CREG2: variants seen among roughly 807,000 people sequenced by gnomAD.
CREG2 encodes cellular repressor of E1A stimulated genes 2, also known as protein CREG2.
A neutral mutation model predicts 26.2 loss-of-function variants in CREG2; 24 were observed. The observed-to-expected ratio is 0.92, with a 90% CI of 0.66 to 1.29. CREG2 has a LOEUF of 1.29. Ranked by LOEUF, CREG2 falls within the 50% of genes most tolerant of loss-of-function variation. CREG2 has a pLI of 0.00. For synonymous variants in CREG2, 174 were observed against 169.2 expected (o/e 1.03, Z -0.22); for missense variants, 366 against 398.6 (o/e 0.92, Z 0.70).
At chr2:101,367,255 G>A (rs1054513380) in intron 2 of CREG2, among the ~76,000 whole-genome samples, 1 of 152,152 alleles carries the variant, frequency 6.6e-6, no homozygotes, top group Non-Finnish European at 1.5e-5. Context: ...AGCAACAGGC[G>A]TGTTCGAACA....
chr2:101,382,531 A>G, intron 2 of CREG2: 2 of 985,216 alleles, frequency 2.0e-6, no homozygotes, highest in Non-Finnish European at 2.4e-6. Context: ...ATATTCCATG[A>G]GAAAGGAAAT....
At chr2:101,359,034 CAAAAAAAAAAAAAAAAAAAAA>C (rs776544215) in intron 2 of CREG2, among the ~76,000 whole-genome samples, 4 of 1,198 alleles carry the variant, frequency 3.3e-3, no homozygotes, top group African/African-American at 4.9e-3. Context: ...GACTCCGTCT[CAAAAAAAAAAAAAAAAAAAAA>C]AAAAAAAAAA....
intron 2 of CREG2, 42 bp downstream of exon 2, chr2:101,383,485 TCAAAAA>T: frequency 6.2e-7 from 1 of 1,603,056 alleles, no homozygotes; most frequent in Non-Finnish European, 8.5e-7. Flanking sequence ...CAACTCTCTG[TCAAAAA>T]CTTCCCAGGA....
At chr2:101,382,864 T>C in intron 2 of CREG2, 1 of 985,516 alleles carries the variant, frequency 1.0e-6, no homozygotes, top group Non-Finnish European at 1.2e-6. Context: ...TTGCTGCTCC[T>C]CTGGGAAGGA....
intron 2 of CREG2, among the ~76,000 whole-genome samples, chr2:101,369,731 G>A (rs777587574): frequency 3.3e-5 from 5 of 151,820 alleles, no homozygotes; most frequent in East Asian, 1.9e-4. Flanking sequence ...ATATTTATCC[G>A]TGACGGTGTT....
chr2:101,366,064 G>T (rs1684612520), intron 2 of CREG2, among the ~76,000 whole-genome samples: 1 of 152,158 alleles, frequency 6.6e-6, no homozygotes, highest in Non-Finnish European at 1.5e-5. Flanking sequence ...GACCATGCAA[G>T]TTTCTTCGAA....
intron 2 of CREG2, among the ~76,000 whole-genome samples, chr2:101,364,879 GAA>G (rs968281095): frequency 6.6e-6 from 1 of 152,234 alleles, no homozygotes; most frequent in African/African-American, 2.4e-5. Flanking sequence ...TGGGCAAAGA[GAA>G]AGGGGAGCCA....
intron 2 of CREG2, among the ~76,000 whole-genome samples, chr2:101,367,639 G>A (rs1684637932): frequency 1.3e-5 from 2 of 152,114 alleles, no homozygotes; most frequent in Admixed American, 6.5e-5. Context: ...CCTAATCCCC[G>A]GAATGTGTGA....
chr2:101,374,062 C>T (rs1168569283), intron 2 of CREG2, among the ~76,000 whole-genome samples: 1 of 152,128 alleles, frequency 6.6e-6, no homozygotes, highest in Non-Finnish European at 1.5e-5. Context: ...GATGGGGTTT[C>T]ACCCCATCGA....
At chr2:101,383,238 G>C (rs1010519941) in intron 2 of CREG2, among the ~76,000 whole-genome samples, 1 of 152,184 alleles carries the variant, frequency 6.6e-6, no homozygotes, top group Non-Finnish European at 1.5e-5. Context: ...ACTCCTGCCA[G>C]TGTTGCACAA....
At position 101,345,622 on chromosome 2, in the gene CREG2, C is replaced by G. The variant is rs968427968; in HGVS notation, c.*5301G>C. The G allele has an allele frequency of 1.3e-5, 2 of 152,078 alleles. No homozygotes were observed. The highest frequency in any genetic ancestry group is 2.9e-5 in the Non-Finnish European group (2 of 68,030). The allele number at this position is 152,078 out of a possible 1,614,324, so 9.4% of individuals were successfully genotyped here. On this transcript the variant is annotated 3_prime_UTR_variant, in exon 4 of 4. Transcript: ENST00000324768. Reference sequence around the variant, plus strand: ...TGAAATAGTCTTTGGTTAAATAGATCTAGTTTTGAAAACAGATTTTACATT... The same window carrying G: ...TGAAATAGTCTTTGGTTAAATAGATGTAGTTTTGAAAACAGATTTTACATT...
In CREG2 at chr2:101,387,219, T is replaced by C; in HGVS notation, c.239A>G (p.Lys80Arg). 1.4e-6 allele frequency: 2 copies of C among 1,412,742 alleles called. No homozygotes were observed. The highest frequency in any genetic ancestry group is 9.3e-7 in the Non-Finnish European group (1 of 1,070,076). 87.5% of individuals were successfully genotyped at this position (1,412,742 alleles called of 1,614,324 possible). A position where few individuals can be genotyped will look rare whatever the true frequency, so the allele number is the denominator to read the frequency against. The change falls in exon 1 of 4, where the codon AAG becomes AGG. Residue 80 changes from lysine (K) to arginine (R), a missense_variant. Around this residue, in one of 3 missense-constraint regions of CREG2, gnomAD observed 177 missense variants for 183.3 expected, o/e 0.97. Coordinates refer to ENST00000324768, the MANE Select transcript of CREG2 (RefSeq NM_153836.4). The surrounding 1 kb of genome is among the most constrained non-coding windows in gnomAD (Gnocchi z 4.7). The stretch of plus-strand genomic sequence containing the variant: ...CCGGGGCCGCAGGTGCGCGTCCTCC[T>C]TGTGGGCAGAGGCGGGGAAGCTTTG... ...WQQSFPASAH[K>R]EDAHLRPRAG... is the part of the protein sequence containing the mutation.
At chr2:101,375,264 G>A (rs1031699855) in intron 2 of CREG2, among the ~76,000 whole-genome samples, 1 of 152,076 alleles carries the variant, frequency 6.6e-6, no homozygotes, top group East Asian at 1.9e-4. Context: ...GGCCCACTGG[G>A]CTTCAATCCA....
intron 2 of CREG2, among the ~76,000 whole-genome samples, chr2:101,377,282 A>G (rs1218159377): frequency 6.6e-6 from 1 of 152,186 alleles, no homozygotes; most frequent in Non-Finnish European, 1.5e-5. Flanking sequence ...TTATTTCAGG[A>G]AAAGCATCTG....
intron 2 of CREG2, among the ~76,000 whole-genome samples, chr2:101,374,013 G>C (rs1264377949): frequency 6.6e-6 from 1 of 152,192 alleles, no homozygotes; most frequent in Non-Finnish European, 1.5e-5. Flanking sequence ...CTATAGGCGT[G>C]CACCACTACA....
intron 2 of CREG2, among the ~76,000 whole-genome samples, chr2:101,366,597 C>T (rs1293305082): frequency 2.6e-5 from 4 of 152,018 alleles, no homozygotes; most frequent in Non-Finnish European, 4.4e-5. Context: ...CTGAGGCAGA[C>T]GGATCACCTG....
intron 2 of CREG2, among the ~76,000 whole-genome samples, chr2:101,365,701 G>A (rs190477145): frequency 3.3e-5 from 5 of 152,056 alleles, no homozygotes; most frequent in Admixed American, 2.6e-4. Flanking sequence ...TCCTGGTTAT[G>A]ACATTGGCTT....
intron 2 of CREG2, among the ~76,000 whole-genome samples, chr2:101,366,538 A>G (rs895561257): frequency 3.3e-5 from 5 of 152,186 alleles, no homozygotes; most frequent in Non-Finnish European, 7.3e-5. Context: ...AATAATACAA[A>G]TAGGCCAGGC....
chr2:101,378,441 T>G (rs1303847456), intron 2 of CREG2, among the ~76,000 whole-genome samples: 1 of 152,214 alleles, frequency 6.6e-6, no homozygotes, highest in African/African-American at 2.4e-5. Flanking sequence ...CAATAATACG[T>G]CCCTCTCATC....
Sources: gnomAD v4.1 joint callset for allele counts (sites outside exome capture counted in the v4.1 genomes callset) on GRCh38, gnomAD v4.1.1 for gene constraint, gnomAD v4.1.1 regional missense constraint, Gnocchi (gnomAD v3.1) non-coding constraint, MANE v1.5 for transcripts, NCBI Gene and HGNC (gene_info 2026-07-23, HGNC 2026-07-21) for gene names.